The following KLHL1 variants were observed in gnomAD, a reference collection of about 807,000 sequenced individuals.
KLHL1 encodes the protein kelch like family member 1.
Under a neutral mutation model 77.7 loss-of-function variants are expected in KLHL1, and 47 were observed. That is an observed-to-expected ratio of 0.60 (90% CI 0.48 to 0.77). The LOEUF (loss-of-function observed/expected upper bound fraction) is 0.77, where lower values mean the gene tolerates loss of function less well. Among genes scored for constraint, KLHL1 ranks in the 30% least tolerant of loss-of-function variants. The pLI, the probability that KLHL1 is intolerant of heterozygous loss-of-function variation, is 0.00. For synonymous variants in KLHL1, 360 were observed against 325.2 expected, an observed-to-expected ratio of 1.11 and a Z score of -1.15; for missense variants, 925 against 910.8, an observed-to-expected ratio of 1.02 and a Z score of -0.20.
intron 4 of KLHL1, among the ~76,000 whole-genome samples, chr13:69,929,775 A>G (rs1213833528): frequency 6.6e-6 from 1 of 151,876 alleles, no homozygotes; most frequent in Non-Finnish European, 1.5e-5. Context: ...AACTATTTGC[A>G]CGGGATTATG....
intron 1 of KLHL1, among the ~76,000 whole-genome samples, chr13:70,062,274 G>A (rs1431709013): frequency 6.6e-6 from 1 of 152,140 alleles, no homozygotes; most frequent in Non-Finnish European, 1.5e-5. Flanking sequence ...ATTTATATTT[G>A]AGATTTATTT....
intron 4 of KLHL1, among the ~76,000 whole-genome samples, chr13:69,896,263 C>T (rs1881634045): frequency 6.6e-6 from 1 of 152,138 alleles, no homozygotes; most frequent in South Asian, 2.1e-4. Flanking sequence ...TCCCATATCT[C>T]TGATTGGCAC....
chr13:69,930,574 T>A (rs868793436), intron 4 of KLHL1, among the ~76,000 whole-genome samples: 1 of 151,848 alleles, frequency 6.6e-6, no homozygotes, highest in Non-Finnish European at 1.5e-5. Context: ...TATCAATGCA[T>A]CCTCAAATGA....
chr13:69,933,177 T>G (rs898984901), intron 4 of KLHL1, among the ~76,000 whole-genome samples: 8 of 151,980 alleles, frequency 5.3e-5, no homozygotes, highest in Non-Finnish European at 1.0e-4. Flanking sequence ...AATTTTCAAC[T>G]CATCAATTAT....
At chr13:70,030,462 TG>T (rs1886069294) in intron 1 of KLHL1, among the ~76,000 whole-genome samples, 1 of 152,132 alleles carries the variant, frequency 6.6e-6, no homozygotes, top group African/African-American at 2.4e-5. Context: ...CTCAACTACA[TG>T]GAAACTGAAA....
intron 4 of KLHL1, among the ~76,000 whole-genome samples, chr13:69,934,056 A>G (rs1883092189): frequency 6.6e-6 from 1 of 152,178 alleles, no homozygotes; most frequent in Non-Finnish European, 1.5e-5. Flanking sequence ...AAATTATTTA[A>G]CAATCCTGAA....
At chr13:69,763,393 G>C (rs1307879054) in intron 7 of KLHL1, among the ~76,000 whole-genome samples, 1 of 152,134 alleles carries the variant, frequency 6.6e-6, no homozygotes, top group Non-Finnish European at 1.5e-5. Flanking sequence ...TTTTGCTAAG[G>C]AGCATCCTCT....
chr13:69,996,909 A>ATTTTTTTTTTTTTTTTTTTTTTTTT (rs1566484216), intron 1 of KLHL1, among the ~76,000 whole-genome samples: 1 of 106,622 alleles, frequency 9.4e-6, no homozygotes, highest in Non-Finnish European at 1.9e-5. Flanking sequence ...TTATTCATTA[A>ATTTTTTTTTTTTTTTTTTTTTTTTT]ATTTTTTTTT....
At chr13:69,703,841 T>G (rs1875509894) in intron 10 of KLHL1, among the ~76,000 whole-genome samples, 2 of 151,668 alleles carry the variant, frequency 1.3e-5, no homozygotes, top group Admixed American at 6.6e-5. Flanking sequence ...ACAGCCTCAG[T>G]GTGTAGTAGG....
At chr13:69,894,993 T>C (rs1881579043) in intron 4 of KLHL1, 1 of 502,246 alleles carries the variant, frequency 2.0e-6, no homozygotes, top group Non-Finnish European at 4.0e-6. Flanking sequence ...AGCTCACAAA[T>C]GTAGACACGG....
At chr13:69,704,687 T>G (rs1328897897) in intron 10 of KLHL1, among the ~76,000 whole-genome samples, 3 of 151,774 alleles carry the variant, frequency 2.0e-5, no homozygotes, top group African/African-American at 7.2e-5. Context: ...ACATTTTCAA[T>G]GTTTAAGAAA....
chr13:69,910,836 A>C (rs1224655294), intron 4 of KLHL1, among the ~76,000 whole-genome samples: 1 of 152,140 alleles, frequency 6.6e-6, no homozygotes, highest in African/African-American at 2.4e-5. Flanking sequence ...TGTTATAATT[A>C]GTTCAAAGGA....
intron 3 of KLHL1, among the ~76,000 whole-genome samples, chr13:69,959,894 A>G (rs938721220): frequency 1.3e-5 from 2 of 151,992 alleles, no homozygotes; most frequent in African/African-American, 4.8e-5. Flanking sequence ...TTGGCACTTA[A>G]AAATCCTCCC....
chr13:70,022,302 T>C (rs1046185532), intron 1 of KLHL1, among the ~76,000 whole-genome samples: 2 of 91,564 alleles, frequency 2.2e-5, no homozygotes, highest in African/African-American at 1.1e-4. Context: ...TGTGTGTGTG[T>C]GTATGTGTTT....
In KLHL1 at chr13:69,968,916, C is replaced by T. The variant is rs538422595; in HGVS notation, c.680+6704G>A. The stretch of plus-strand genomic sequence containing the variant: ...GTGCTCAAAACAATTGAGGATATGT[C>T]AAAAGAATTATAGTGATGCTTACAT... On this transcript the variant is annotated intron_variant, in intron 2 of 10. Transcript: ENST00000377844. Among the ~76,000 whole-genome samples the T allele has an allele frequency of 3.9e-5, 6 of 151,988 alleles. No individual in the cohort carries two copies. The East Asian group carries it at 9.7e-4, about 25-fold the overall frequency.
chr13:69,884,485 G>A (rs73508486), intron 4 of KLHL1, among the ~76,000 whole-genome samples: 1 of 146,890 alleles, frequency 6.8e-6, no homozygotes, highest in African/African-American at 2.5e-5. Flanking sequence ...ATCTTTGAAA[G>A]ATTTGTCCAC....
At chr13:70,049,611 AGTTT>A (rs2137390185) in intron 1 of KLHL1, among the ~76,000 whole-genome samples, 1 of 152,296 alleles carries the variant, frequency 6.6e-6, no homozygotes, top group East Asian at 1.9e-4. Context: ...AACTTATAAT[AGTTT>A]ATTTACACAG....
At chr13:69,839,398 T>TA (rs1180936934) in intron 5 of KLHL1, among the ~76,000 whole-genome samples, 5 of 151,604 alleles carry the variant, frequency 3.3e-5, no homozygotes, top group Non-Finnish European at 5.9e-5. Flanking sequence ...CCACACAGAG[T>TA]AAAAAAAACA....
chr13:70,038,325 C>A (rs570641108), intron 1 of KLHL1, among the ~76,000 whole-genome samples: 129 of 152,216 alleles, frequency 8.5e-4, no homozygotes, highest in African/African-American at 3.0e-3. Flanking sequence ...CTGGACTCTT[C>A]CATGTTTTGC....
Sources: allele counts gnomAD v4.1 joint callset (sites outside exome capture counted in the v4.1 genomes callset), GRCh38; gene constraint gnomAD v4.1.1; transcripts MANE v1.5; gene names NCBI Gene and HGNC (gene_info 2026-07-23, HGNC 2026-07-21).